The following RPAP2 variants were observed in gnomAD, a reference collection of about 807,000 sequenced individuals.
The protein encoded by RPAP2 is putative RNA polymerase II subunit B1 CTD phosphatase RPAP2.
A neutral mutation model predicts 73.1 loss-of-function variants in RPAP2; 52 were observed. The ratio of observed to expected loss-of-function variants is 0.71; its 90% CI spans 0.57 to 0.90. RPAP2 has a LOEUF of 0.90. Ranked by LOEUF, RPAP2 falls within the 40% of genes least tolerant of loss-of-function variation. RPAP2 has a pLI of 0.00. For missense variants in RPAP2, 598 were observed against 701.8 expected (o/e 0.85, Z 1.67); for synonymous variants, 225 against 242.1 (o/e 0.93, Z 0.65).
intron 5 of RPAP2, among the ~76,000 whole-genome samples, chr1:92,306,850 CAAT>C (rs1439897720): frequency 2.0e-5 from 3 of 151,960 alleles, no homozygotes; most frequent in African/African-American, 7.3e-5. Context: ...GAATGTATAA[CAAT>C]ATTATTCCAT....
intron 11 of RPAP2, among the ~76,000 whole-genome samples, chr1:92,372,963 C>T (rs997797813): frequency 1.3e-5 from 2 of 152,122 alleles, no homozygotes; most frequent in Admixed American, 6.6e-5. Flanking sequence ...AAAAACATTT[C>T]GGTAATCACA....
At chr1:92,353,679 C>G (rs565578221) in intron 11 of RPAP2, among the ~76,000 whole-genome samples, 1 of 152,226 alleles carries the variant, frequency 6.6e-6, no homozygotes, top group African/African-American at 2.4e-5. Context: ...TATTTACTAT[C>G]CTATCACCTT....
chr1:92,331,207 A>G (rs1557606235), intron 8 of RPAP2, among the ~76,000 whole-genome samples: 2 of 151,922 alleles, frequency 1.3e-5, no homozygotes, highest in African/African-American at 4.8e-5. Flanking sequence ...CAACCTTTCT[A>G]TTTGCTTTTT....
intron 8 of RPAP2, among the ~76,000 whole-genome samples, chr1:92,328,582 C>G (rs887475168): frequency 6.6e-6 from 1 of 152,180 alleles, no homozygotes; most frequent in Admixed American, 6.5e-5. Flanking sequence ...TTAAGTTGGG[C>G]CTCACCTTTC....
chr1:92,300,334 T>TAG, intron 2 of RPAP2, 95 bp downstream of exon 2: 2 of 927,166 alleles, frequency 2.2e-6, no homozygotes, highest in Non-Finnish European at 1.7e-6. Context: ...TTTTTTTTTT[T>TAG]AGAGAAAATT....
At chr1:92,346,975 C>T (rs1017218189) in intron 11 of RPAP2, among the ~76,000 whole-genome samples, 2 of 152,176 alleles carry the variant, frequency 1.3e-5, no homozygotes, top group Non-Finnish European at 2.9e-5. Flanking sequence ...CTCATAGCCT[C>T]TCCAGCCCTG....
chr1:92,323,846 T>TA lies in RPAP2; in HGVS notation c.930dup (p.Ala311SerfsTer6), dbSNP rs1557601298. ...TCAAATAGCACTTTGCCTGAAAGAT[T>TA]AAAAGCGTCAGAAAATTCTGAAAGT... On this transcript the variant is annotated frameshift_variant, in exon 8 of 13. Coordinates refer to ENST00000610020, the MANE Select transcript of RPAP2 (RefSeq NM_024813.3). LOFTEE classifies it high-confidence loss of function. 1 of 1,613,974 alleles carries TA rather than the reference T, an allele frequency of 6.2e-7. No individual in the cohort carries two copies. Among genetic ancestry groups the TA allele is most frequent in the Non-Finnish European group, 8.5e-7 (1 of 1,179,954 alleles).
chr1:92,348,348 T>A (rs1254495195), intron 11 of RPAP2, among the ~76,000 whole-genome samples: 1 of 152,248 alleles, frequency 6.6e-6, no homozygotes, highest in Non-Finnish European at 1.5e-5. Context: ...CTTCCCCAGT[T>A]AGGGGAAACC....
intron 3 of RPAP2, among the ~76,000 whole-genome samples, chr1:92,302,223 G>A (rs1487512854): frequency 2.6e-5 from 4 of 151,852 alleles, no homozygotes; most frequent in Non-Finnish European, 5.9e-5. Context: ...GTTGCAGTGA[G>A]CTGAGATCAC....
At chr1:92,335,345 CAT>C (rs901897612) in intron 9 of RPAP2, among the ~76,000 whole-genome samples, 15 of 152,210 alleles carry the variant, frequency 9.9e-5, no homozygotes, top group African/African-American at 1.9e-4. Flanking sequence ...TATTTTGGAA[CAT>C]GTGTGAAACT....
At chr1:92,313,130 G>A (rs1651697452) in intron 6 of RPAP2, among the ~76,000 whole-genome samples, 1 of 152,230 alleles carries the variant, frequency 6.6e-6, no homozygotes, top group South Asian at 2.1e-4. Context: ...GCTTCCCAAA[G>A]TGTTGGGATT....
At chr1:92,319,386 A>G (rs1273806603) in intron 6 of RPAP2, among the ~76,000 whole-genome samples, 6 of 152,186 alleles carry the variant, frequency 3.9e-5, no homozygotes, top group Admixed American at 3.9e-4. Context: ...CCTTATCTAT[A>G]ACATGGGGAT....
At chr1:92,340,849 C>T (rs1372871407) in intron 10 of RPAP2, among the ~76,000 whole-genome samples, 1 of 151,996 alleles carries the variant, frequency 6.6e-6, no homozygotes, top group East Asian at 1.9e-4. Flanking sequence ...TCAGAATCTG[C>T]TTGATAATGA....
chr1:92,335,882 A>G (rs1033016030), intron 9 of RPAP2, among the ~76,000 whole-genome samples: 4 of 152,074 alleles, frequency 2.6e-5, no homozygotes, highest in African/African-American at 4.8e-5. Flanking sequence ...AATTTTTTTC[A>G]TAGTAAAACT....
chr1:92,325,701 A>G (rs1652583983), intron 8 of RPAP2, among the ~76,000 whole-genome samples: 1 of 152,168 alleles, frequency 6.6e-6, no homozygotes, highest in Non-Finnish European at 1.5e-5. Flanking sequence ...AGGTCATTAC[A>G]AGTAAACTAG....
chr1:92,369,648 T>A (rs546368215), intron 11 of RPAP2, among the ~76,000 whole-genome samples: 1 of 152,274 alleles, frequency 6.6e-6, no homozygotes, highest in East Asian at 1.9e-4. Context: ...AAGATTGGAA[T>A]AGAGGCTTGA....
At chr1:92,333,591 GTTCACATGGATTTC>G in intron 9 of RPAP2, 118 bp downstream of exon 9, 1 of 738,720 alleles carries the variant, frequency 1.4e-6, no homozygotes, top group Non-Finnish European at 2.2e-6. Flanking sequence ...AATGTGAAAA[GTTCACATGGATTTC>G]TTCACTTAAG....
At chr1:92,320,408 G>A (rs1436193332) in intron 6 of RPAP2, among the ~76,000 whole-genome samples, 191 bp from the exon 7 acceptor site, 1 of 152,084 alleles carries the variant, frequency 6.6e-6, no homozygotes, top group Non-Finnish European at 1.5e-5. Flanking sequence ...GAGTAGCTGG[G>A]ACTACAGGCG....
Position 92,307,285 on chromosome 1 carries a change from A to G in RPAP2, c.488+9A>G. ...GTTCGAGAAGAAGAGAGGTAATTTA[A>G]GTCATTGTGTATATACATTTGTTCA... On this transcript the variant is annotated intron_variant, in intron 6 of 12. Coordinates refer to ENST00000610020, the MANE Select transcript of RPAP2 (RefSeq NM_024813.3). 1 of 1,576,210 alleles carries G rather than the reference A, an allele frequency of 6.3e-7. No individual in the cohort carries two copies. The highest frequency in any genetic ancestry group is 8.7e-7 in the Non-Finnish European group (1 of 1,149,616).
Sources: allele counts gnomAD v4.1 joint callset (sites outside exome capture counted in the v4.1 genomes callset), GRCh38; gene constraint gnomAD v4.1.1; transcripts MANE v1.5; gene names NCBI Gene and HGNC (gene_info 2026-07-23, HGNC 2026-07-21).